The following TDP1 variants were observed in gnomAD, a reference collection of about 807,000 sequenced individuals.
TDP1 encodes the protein tyrosyl-DNA phosphodiesterase 1, also known as tyr-DNA phosphodiesterase 1.
Under a neutral mutation model 81.5 loss-of-function variants are expected in TDP1, and 64 were observed. The ratio of observed to expected loss-of-function variants is 0.79; its 90% CI spans 0.64 to 0.97. TDP1 has a LOEUF of 0.97. Ranked by LOEUF, TDP1 falls within the 50% of genes least tolerant of loss-of-function variation. TDP1 has a pLI of 0.00. For missense variants in TDP1, 723 were observed against 743.8 expected, an observed-to-expected ratio of 0.97 and a Z score of 0.33; for synonymous variants, 256 against 264.3, an observed-to-expected ratio of 0.97 and a Z score of 0.30.
At chr14:90,015,177 T>C (rs1297156336) in intron 14 of TDP1, among the ~76,000 whole-genome samples, 3 of 151,964 alleles carry the variant, frequency 2.0e-5, no homozygotes, top group Non-Finnish European at 4.4e-5. Context: ...GCTTAAGGAG[T>C]CACAGCTAAT....
intron 14 of TDP1, chr14:90,018,874 T>C: frequency 3.2e-6 from 2 of 632,986 alleles, no homozygotes; most frequent in Non-Finnish European, 3.9e-6. Context: ...AAGTAGAAAT[T>C]AGCACTACCT....
chr14:89,987,257 T>C (rs1895669669), intron 10 of TDP1, among the ~76,000 whole-genome samples: 1 of 152,134 alleles, frequency 6.6e-6, no homozygotes, highest in Non-Finnish European at 1.5e-5. Flanking sequence ...ACCAAATATG[T>C]GTGGGGTTTT....
chr14:90,009,875 G>A (rs918981280), intron 14 of TDP1, among the ~76,000 whole-genome samples: 5 of 152,136 alleles, frequency 3.3e-5, no homozygotes, highest in Non-Finnish European at 5.9e-5. Flanking sequence ...AGGCACCAAT[G>A]TAATTCAGTG....
At chr14:89,988,706 A>G (rs920005685) in intron 10 of TDP1, 199 bp from the exon 11 acceptor site, 3 of 981,592 alleles carry the variant, frequency 3.1e-6, no homozygotes, top group African/African-American at 3.5e-5. Flanking sequence ...CATCTACTCC[A>G]TTAAAAATAT....
Position 89,984,581 on chromosome 14 carries a change from C to T in TDP1, c.950C>T (p.Thr317Ile). The T allele has an allele frequency of 6.2e-7, 1 of 1,614,154 alleles. No individual in the cohort carries two copies. The highest frequency in any genetic ancestry group is 8.5e-7 in the Non-Finnish European group (1 of 1,180,024). ...ACCCACAAATCTGGAGAGTCGCCAA[C>T]ACATTTTAAAGCTGATCTCATCAGT... is the stretch of plus-strand genomic sequence containing the variant. Reference protein sequence around the residue: ...DGTHKSGESPTHFKADLISYL... With the variant: ...DGTHKSGESPIHFKADLISYL... Residue 317 changes from threonine to isoleucine, a missense_variant, in exon 9 of 17, where the codon ACA becomes ATA. Coordinates refer to ENST00000335725, the MANE Select transcript of TDP1 (RefSeq NM_018319.4).
intron 14 of TDP1, among the ~76,000 whole-genome samples, chr14:90,006,023 G>A (rs534967380): frequency 5.2e-4 from 79 of 152,302 alleles, no homozygotes; most frequent in Admixed American, 5.2e-3. Context: ...GCTGGACTAT[G>A]CCATCGGGCA....
intron 14 of TDP1, among the ~76,000 whole-genome samples, chr14:90,008,901 A>C (rs1320537021): frequency 1.3e-5 from 2 of 152,008 alleles, no homozygotes; most frequent in East Asian, 3.9e-4. Flanking sequence ...TTGATATGGG[A>C]TCTTGCTTTG....
rs769944067 is a variant in TDP1 at position 89,975,846 on chromosome 14, C to T, written c.791+31C>T. The T allele has an allele frequency of 3.8e-6, 6 of 1,584,030 alleles. 1 individual carries two copies. In the African/African-American group the frequency reaches 8.1e-5, roughly 21 times the overall value. ...CACTTTTTGTGAAATAGGGGAACCC[C>T]TCAAGCATTGTCATTTGTCCATTAC... is the stretch of plus-strand genomic sequence containing the variant. On this transcript the variant is annotated intron_variant, in intron 7 of 16. Transcript: ENST00000335725.
chr14:90,000,095 G>A (rs1457767027), intron 14 of TDP1, among the ~76,000 whole-genome samples: 1 of 152,118 alleles, frequency 6.6e-6, no homozygotes, highest in Non-Finnish European at 1.5e-5. Flanking sequence ...GTGGCTGTAA[G>A]CCTGACGTTC....
At chr14:90,042,670 C>T (rs1327054289) in intron 16 of TDP1, among the ~76,000 whole-genome samples, 1 of 152,160 alleles carries the variant, frequency 6.6e-6, no homozygotes, top group Non-Finnish European at 1.5e-5. Flanking sequence ...CACGAGAGCA[C>T]TTGTGTAGGG....
chr14:89,998,465 T>C (rs1056283605), intron 14 of TDP1, among the ~76,000 whole-genome samples: 1 of 144,316 alleles, frequency 6.9e-6, no homozygotes, highest in Non-Finnish European at 1.5e-5. Flanking sequence ...TATATATGTA[T>C]ATATTAATTC....
chr14:89,967,799 C>T (rs1893127215), intron 5 of TDP1, among the ~76,000 whole-genome samples: 1 of 152,176 alleles, frequency 6.6e-6, no homozygotes, highest in Admixed American at 6.5e-5. Context: ...CAATTCTGTT[C>T]TGTTTTGAGG....
chr14:90,020,904 T>A (rs1229685103), intron 15 of TDP1, among the ~76,000 whole-genome samples: 1 of 150,886 alleles, frequency 6.6e-6, no homozygotes, highest in East Asian at 2.0e-4. Context: ...CAAGTGATTT[T>A]CCTGCATCAG....
chr14:89,966,007 CTGACTT>C (rs1892900357), intron 3 of TDP1, 134 bp from the exon 4 acceptor site: 2 of 1,002,044 alleles, frequency 2.0e-6, no homozygotes, highest in South Asian at 3.0e-5. Flanking sequence ...ACATTAAAGT[CTGACTT>C]TGTAGTAACT....
chr14:90,033,044 G>A lies in TDP1; in HGVS notation c.1645-62G>A, dbSNP rs1887460523. ...ATATTATTGCTTCTTGAGGCCTTCTGGTTTTTTTTTTTAAACCCAGAAAAT... is the reference window on the plus strand; with the variant it reads ...ATATTATTGCTTCTTGAGGCCTTCTAGTTTTTTTTTTTAAACCCAGAAAAT... On this transcript the variant is annotated intron_variant, in intron 15 of 16. Transcript: ENST00000335725. 5.5e-6 allele frequency: 7 copies of A among 1,280,226 alleles called. No individual in the cohort carries two copies. In the Admixed American group the frequency reaches 7.2e-5, roughly 13 times the overall value. The allele number at this position is 1,280,226 out of a possible 1,614,324, so 79.3% of individuals were successfully genotyped here.
At chr14:89,957,394 C>A (rs1891786273) in intron 2 of TDP1, among the ~76,000 whole-genome samples, 1 of 152,172 alleles carries the variant, frequency 6.6e-6, no homozygotes, top group African/African-American at 2.4e-5. Flanking sequence ...GCATGATATC[C>A]ATTTCACAGA....
chr14:89,981,875 C>A (rs1399114375), intron 8 of TDP1, among the ~76,000 whole-genome samples: 2 of 150,712 alleles, frequency 1.3e-5, no homozygotes, highest in Non-Finnish European at 2.9e-5. Context: ...TTTGTAGAGA[C>A]AAGGTTTTGC....
chr14:90,022,044 G>T (rs1423211179), intron 15 of TDP1, among the ~76,000 whole-genome samples: 1 of 152,152 alleles, frequency 6.6e-6, no homozygotes, highest in Non-Finnish European at 1.5e-5. Context: ...CTCTAATCAG[G>T]CATTGTGGAC....
chr14:90,025,617 T>A (rs1240524557), intron 15 of TDP1, among the ~76,000 whole-genome samples: 1 of 152,228 alleles, frequency 6.6e-6, no homozygotes, highest in African/African-American at 2.4e-5. Flanking sequence ...AATCAAAGAC[T>A]TTATTCTTTT....
Sources: allele counts gnomAD v4.1 joint callset (sites outside exome capture counted in the v4.1 genomes callset), GRCh38; gene constraint gnomAD v4.1.1; transcripts MANE v1.5; gene names NCBI Gene and HGNC (gene_info 2026-07-23, HGNC 2026-07-21).